The following SEPTIN7 variants were observed in gnomAD, a reference collection of about 807,000 sequenced individuals.
SEPTIN7 encodes the protein septin-7.
Under a neutral mutation model 63.3 loss-of-function variants are expected in SEPTIN7, and 10 were observed. That is an observed-to-expected ratio of 0.16 (90% CI 0.10 to 0.27). The LOEUF (loss-of-function observed/expected upper bound fraction) is 0.27, where lower values mean the gene tolerates loss of function less well. SEPTIN7 is among the 10% of genes least tolerant of loss of function. The pLI, the probability that SEPTIN7 is intolerant of heterozygous loss-of-function variation, is 1.00. For missense variants in SEPTIN7, 310 were observed against 521.0 expected (o/e 0.59, Z 3.94); for synonymous variants, 131 against 165.3 (o/e 0.79, Z 1.59).
chr7:35,908,799 C>A (rs1249173105), downstream of SEPTIN7, among the ~76,000 whole-genome samples: 1 of 152,198 alleles, frequency 6.6e-6, no homozygotes, highest in Non-Finnish European at 1.5e-5. Flanking sequence ...AGCACAGATT[C>A]CCCTGGGTGA....
In SEPTIN7 at chr7:35,829,049, C is replaced by G. The variant is rs1445625440; in HGVS notation, c.62-2443C>G. The stretch of plus-strand genomic sequence containing the variant: ...TGGCTGAGTCCCAAATGATCAGGCC[C>G]CTGCTTGCCTCCCTGACCTCATTTC... On this transcript the variant is annotated intron_variant, in intron 1 of 13. Transcript: ENST00000350320. Among the ~76,000 whole-genome samples, 4 of 152,008 alleles carry G rather than the reference C, an allele frequency of 2.6e-5. No individual in the cohort carries two copies. In the South Asian group the frequency reaches 8.3e-4, roughly 31 times the overall value.
chr7:35,878,883 A>G (rs1291344773), intron 6 of SEPTIN7, among the ~76,000 whole-genome samples: 1 of 152,210 alleles, frequency 6.6e-6, no homozygotes, highest in African/African-American at 2.4e-5. Flanking sequence ...ACAGTGAGAT[A>G]TGAGCTGTCT....
At chr7:35,894,418 G>A (rs973744602) in intron 11 of SEPTIN7, among the ~76,000 whole-genome samples, 1 of 152,098 alleles carries the variant, frequency 6.6e-6, no homozygotes, top group African/African-American at 2.4e-5. Context: ...TTCAAAGGCA[G>A]ATTCTCAGAA....
intron 3 of SEPTIN7, among the ~76,000 whole-genome samples, chr7:35,859,087 G>T (rs546496911): frequency 1.3e-5 from 2 of 151,932 alleles, no homozygotes; most frequent in Non-Finnish European, 2.9e-5. Flanking sequence ...GTTCCTTATG[G>T]TGTAAACATA....
intron 12 of SEPTIN7, chr7:35,902,840 C>CTT (rs34683813): frequency 1.2e-5 from 4 of 331,250 alleles, no homozygotes; most frequent in East Asian, 5.9e-5. Flanking sequence ...AAGTTTGTTG[C>CTT]TTTTTTTTTT....
At chr7:35,873,436 GTTTA>G (rs1175235527) in intron 5 of SEPTIN7, among the ~76,000 whole-genome samples, 2 of 151,936 alleles carry the variant, frequency 1.3e-5, no homozygotes, top group Admixed American at 6.6e-5. Context: ...ACAGTAAATA[GTTTA>G]TTTTCTTTCA....
chr7:35,879,826 T>G lies in SEPTIN7; in HGVS notation c.516T>G (p.Leu172=). The change falls in exon 7 of 14, where the codon CTT becomes CTG. Residue 172 remains leucine (L), a synonymous_variant. Transcript: ENST00000350320. ...LYFIAPSGHG[L]KPLDIEFMKR... ...AATTAAATACTGTGTATTTCAGACTTAAACCATTGGATATTGAGTTTATGA... is the reference window on the plus strand; with the variant it reads ...AATTAAATACTGTGTATTTCAGACTGAAACCATTGGATATTGAGTTTATGA... 6.4e-7 allele frequency: 1 copy of G among 1,554,046 alleles called. No individual in the cohort carries two copies. The highest frequency in any genetic ancestry group is 8.8e-7 in the Non-Finnish European group (1 of 1,138,158).
intron 10 of SEPTIN7, 179 bp from the exon 11 acceptor site, chr7:35,890,489 G>A (rs865780082): frequency 1.3e-5 from 5 of 396,972 alleles, no homozygotes; most frequent in African/African-American, 8.3e-5. Flanking sequence ...ATTTTTTGTT[G>A]GTTTACTTTG....
At chr7:35,809,644 T>A (rs1788571724) in intron 1 of SEPTIN7, among the ~76,000 whole-genome samples, 1 of 152,002 alleles carries the variant, frequency 6.6e-6, no homozygotes, top group South Asian at 2.1e-4. Flanking sequence ...TCGGTAGGAG[T>A]GATTAGGTAA....
At chr7:35,902,264 T>G (rs1448284542) in intron 12 of SEPTIN7, 1 of 152,018 alleles carries the variant, frequency 6.6e-6, no homozygotes, top group African/African-American at 2.4e-5. Flanking sequence ...TGAAATTACT[T>G]ATCTAATGAT....
chr7:35,810,601 G>C (rs1434228192), intron 1 of SEPTIN7, among the ~76,000 whole-genome samples: 1 of 152,092 alleles, frequency 6.6e-6, no homozygotes, highest in African/African-American at 2.4e-5. Context: ...GGGATTACAG[G>C]CGTGAGCCAC....
chr7:35,879,703 CAG>C (rs1304012404), intron 6 of SEPTIN7, 118 bp from the exon 7 acceptor site: 1 of 661,680 alleles, frequency 1.5e-6, no homozygotes, highest in African/African-American at 1.8e-5. Flanking sequence ...AATACATCTT[CAG>C]AGTGTTTCTG....
intron 1 of SEPTIN7, among the ~76,000 whole-genome samples, chr7:35,814,207 G>C (rs1452750986): frequency 6.6e-6 from 1 of 151,956 alleles, no homozygotes; most frequent in Non-Finnish European, 1.5e-5. Context: ...AAATTATTTT[G>C]CAATATATTA....
At chr7:35,804,840 T>TTG (rs1432858181) in intron 1 of SEPTIN7, among the ~76,000 whole-genome samples, 13 of 148,110 alleles carry the variant, frequency 8.8e-5, no homozygotes, top group African/African-American at 3.0e-4. Context: ...TTTTTGTTTT[T>TTG]TTTTTTTTTT....
intron 7 of SEPTIN7, among the ~76,000 whole-genome samples, chr7:35,881,810 A>T (rs972496518): frequency 1.3e-4 from 20 of 152,054 alleles, no homozygotes; most frequent in African/African-American, 4.1e-4. Context: ...TTTGAACATG[A>T]TAATTTAATT....
At chr7:35,850,587 G>T (rs1408398553) in intron 3 of SEPTIN7, among the ~76,000 whole-genome samples, 2 of 152,162 alleles carry the variant, frequency 1.3e-5, no homozygotes, top group Admixed American at 1.3e-4. Flanking sequence ...ATCCCAGAAA[G>T]TTGAAATGCT....
rs548093961 is a variant in SEPTIN7, at chr7:35,845,026, C to T, written c.169+12126C>T. Among the ~76,000 whole-genome samples, 8 of 151,992 alleles carry T rather than the reference C, an allele frequency of 5.3e-5. No homozygotes were observed. The South Asian group carries it at 6.3e-4, about 12-fold the overall frequency. On this transcript the variant is annotated intron_variant, in intron 3 of 13. Coordinates refer to ENST00000350320, the MANE Select transcript of SEPTIN7 (RefSeq NM_001788.6). ...ATTGCTTGAGCCTAGGGGTTCGAGA[C>T]GACCCTGGGCAACAGAGTGAGACCC...
At chr7:35,811,253 T>C (rs986814550) in intron 1 of SEPTIN7, among the ~76,000 whole-genome samples, 2 of 152,156 alleles carry the variant, frequency 1.3e-5, no homozygotes, top group Non-Finnish European at 2.9e-5. Context: ...ATTTATTACA[T>C]GTAACATTTT....
At chr7:35,814,293 C>A (rs1788912491) in intron 1 of SEPTIN7, among the ~76,000 whole-genome samples, 1 of 152,144 alleles carries the variant, frequency 6.6e-6, no homozygotes, top group African/African-American at 2.4e-5. Flanking sequence ...CTAGAATGGT[C>A]ACTGCTTTTA....
Sources: gnomAD v4.1 joint callset for allele counts (sites outside exome capture counted in the v4.1 genomes callset) on GRCh38, gnomAD v4.1.1 for gene constraint, MANE v1.5 for transcripts, NCBI Gene and HGNC (gene_info 2026-07-23, HGNC 2026-07-21) for gene names.